The following LIMCH1 variants were observed in gnomAD, a reference collection of about 807,000 sequenced individuals.
LIMCH1 encodes LIM and calponin homology domains-containing protein 1.
LIMCH1 carries 113 observed loss-of-function variants against 176.5 expected under a neutral mutation model. The ratio of observed to expected loss-of-function variants is 0.64; its 90% CI spans 0.55 to 0.75. LIMCH1 has a LOEUF of 0.75. Among genes scored for constraint, LIMCH1 ranks in the 30% least tolerant of loss-of-function variants. The probability of loss-of-function intolerance (pLI) is 0.00; values close to 1 mark genes in which losing one functional copy is unlikely to be tolerated. For synonymous variants in LIMCH1, 619 were observed against 645.9 expected (o/e 0.96, Z 0.63); for missense variants, 1,674 against 1,814.9 (o/e 0.92, Z 1.41).
At chr4:41,616,397 C>T (rs1417994163) in intron 5 of LIMCH1, among the ~76,000 whole-genome samples, 7 of 151,956 alleles carry the variant, frequency 4.6e-5, no homozygotes, top group East Asian at 1.9e-4. Flanking sequence ...GGCATGGTGG[C>T]GGGCGCCTGT....
chr4:41,681,852 T>C (rs1474243684), intron 25 of LIMCH1, among the ~76,000 whole-genome samples: 1 of 152,082 alleles, frequency 6.6e-6, no homozygotes, highest in South Asian at 2.1e-4. Flanking sequence ...AAAATGAACT[T>C]ACGTAGAACA....
rs1461434756 is a variant in LIMCH1, at chr4:41,458,698, T to C, written c.97-35838T>C. ...CTGAGGCAGGAGAATGGCGTGAACC[T>C]GGGGGGCGGAGGTTGCAGTAAGCTG... is the stretch of plus-strand genomic sequence containing the variant. On this transcript the variant is annotated intron_variant, in intron 1 of 26. Coordinates refer to the LIMCH1 transcript ENST00000313860. Among the ~76,000 whole-genome samples, 5 of 135,802 alleles carry C rather than the reference T, an allele frequency of 3.7e-5. No homozygotes were observed. In the East Asian group the frequency reaches 1.1e-3, roughly 30 times the overall value. The allele number at this position is 135,802 out of a possible 152,430, so 89.1% of individuals were successfully genotyped here.
At chr4:41,688,246 G>T (rs1446494311) in intron 29 of LIMCH1, among the ~76,000 whole-genome samples, 1 of 152,218 alleles carries the variant, frequency 6.6e-6, no homozygotes, top group Admixed American at 6.5e-5. Flanking sequence ...CTTCAAGAGG[G>T]CTAAGCCCTT....
intron 1 of LIMCH1, among the ~76,000 whole-genome samples, chr4:41,484,954 G>A (rs1297311131): frequency 1.3e-5 from 2 of 152,260 alleles, no homozygotes; most frequent in South Asian, 2.1e-4. Context: ...AAATGGGAAC[G>A]ATCAGGCTGC....
intron 1 of LIMCH1, among the ~76,000 whole-genome samples, chr4:41,584,688 G>T (rs1310108046): frequency 6.6e-6 from 1 of 151,958 alleles, no homozygotes; most frequent in Non-Finnish European, 1.5e-5. Flanking sequence ...TTGTTTGTTT[G>T]TTTGTTTTGC....
chr4:41,479,974 A>G (rs1003509266), intron 1 of LIMCH1, among the ~76,000 whole-genome samples: 3 of 152,324 alleles, frequency 2.0e-5, no homozygotes, highest in Middle Eastern at 3.4e-3. Flanking sequence ...GCTTTTCTGA[A>G]CAAAAATTGC....
chr4:41,544,646 CT>C (rs2079123949), intron 1 of LIMCH1, among the ~76,000 whole-genome samples: 1 of 152,112 alleles, frequency 6.6e-6, no homozygotes, highest in African/African-American at 2.4e-5. Context: ...CTGGGTGGTT[CT>C]TCTATTTTGA....
At chr4:41,541,755 C>G (rs916777770) in intron 1 of LIMCH1, among the ~76,000 whole-genome samples, 6 of 152,226 alleles carry the variant, frequency 3.9e-5, no homozygotes, top group South Asian at 2.1e-4. Context: ...TACGAAATGA[C>G]TGGGGCATGT....
chr4:41,423,950 A>C (rs1391128026), intron 1 of LIMCH1, among the ~76,000 whole-genome samples: 3 of 151,924 alleles, frequency 2.0e-5, no homozygotes, highest in African/African-American at 7.3e-5. Flanking sequence ...TCAATGAGTT[A>C]CTCTTTGCCC....
chr4:41,646,661 C>T lies in LIMCH1; in HGVS notation c.2588C>T (p.Ser863Phe). 6.2e-7 allele frequency: 1 copy of T among 1,614,214 alleles called. No individual in the cohort carries two copies. ...CATTCAACAGAGCCAAATTTATCCTCCTTCCTGAATGACCCCAATCCCATG... is the reference window on the plus strand; with the variant it reads ...CATTCAACAGAGCCAAATTTATCCTTCTTCCTGAATGACCCCAATCCCATG... ...RSHSTEPNLS[S>F]FLNDPNPMKY... The change falls in exon 17 of 32, where the codon TCC (serine) becomes TTC (phenylalanine). Residue 863 changes from serine (S) to phenylalanine (F), a missense_variant. This residue lies in a region of LIMCH1 where 1,015 missense variants were observed against 1,102.5 expected (regional missense o/e 0.92). Transcript: ENST00000503057.
intron 1 of LIMCH1, among the ~76,000 whole-genome samples, chr4:41,374,348 G>A (rs1017074626): frequency 6.6e-6 from 1 of 152,110 alleles, no homozygotes; most frequent in Non-Finnish European, 1.5e-5. Context: ...GAGAGTGATT[G>A]TATAGAAAGA....
intron 1 of LIMCH1, among the ~76,000 whole-genome samples, chr4:41,373,340 T>C (rs1311289031): frequency 2.0e-5 from 3 of 151,672 alleles, no homozygotes; most frequent in Non-Finnish European, 2.9e-5. Flanking sequence ...GCTTTGGGAG[T>C]AGGTATGAGG....
rs191449230 is a variant in LIMCH1 at position 41,381,515 on chromosome 4, T to C, written c.96+20579T>C. Among the ~76,000 whole-genome samples, 1,168 of 152,292 alleles carry C rather than the reference T, an allele frequency of 7.7e-3. 14 individuals are homozygous for C. The highest frequency in any genetic ancestry group is 0.026 in the African/African-American group (1,078 of 41,560). On this transcript the variant is annotated intron_variant, in intron 1 of 26. Transcript: ENST00000313860. Reference sequence around the variant, plus strand: ...AGTTTTCCATCCTGTCCTGTGTACATACCCCTTGCCAAGTGACTGCCGTTC... The same window carrying C: ...AGTTTTCCATCCTGTCCTGTGTACACACCCCTTGCCAAGTGACTGCCGTTC...
intron 1 of LIMCH1, among the ~76,000 whole-genome samples, chr4:41,378,939 A>G (rs1471540613): frequency 6.6e-6 from 1 of 152,190 alleles, no homozygotes; most frequent in Non-Finnish European, 1.5e-5. Flanking sequence ...CAAGTTCCTG[A>G]GACATTCAGA....
chr4:41,605,684 A>G (rs927217118), intron 3 of LIMCH1, among the ~76,000 whole-genome samples: 1 of 152,074 alleles, frequency 6.6e-6, no homozygotes, highest in Admixed American at 6.5e-5. Context: ...CGTTTTAACT[A>G]CTCAACCGTG....
chr4:41,634,529 C>T (rs1402802807), intron 13 of LIMCH1, among the ~76,000 whole-genome samples: 2 of 152,174 alleles, frequency 1.3e-5, no homozygotes, highest in Non-Finnish European at 2.9e-5. Flanking sequence ...GCAAGGAGAA[C>T]AGTAGGTAAT....
intron 1 of LIMCH1, among the ~76,000 whole-genome samples, chr4:41,435,672 C>T (rs939131500): frequency 1.3e-5 from 2 of 152,108 alleles, no homozygotes; most frequent in Non-Finnish European, 2.9e-5. Flanking sequence ...ATTTGATGAG[C>T]AAGAACATTG....
Position 41,633,006 on chromosome 4 carries a change from A to T in LIMCH1, c.1750A>T (p.Lys584Ter). 2 of 1,536,120 alleles carry T rather than the reference A, an allele frequency of 1.3e-6. No homozygotes were observed. The highest frequency in any genetic ancestry group is 1.7e-6 in the Non-Finnish European group (2 of 1,146,898). Residue 584 changes from lysine to a stop codon, truncating the protein, a stop_gained, in exon 12 of 32, where the codon AAA (lysine) becomes TAA (stop). Coordinates refer to ENST00000503057, the MANE Select transcript of LIMCH1 (RefSeq NM_001330672.2). LOFTEE classifies it high-confidence loss of function. ...VTSKQLPQDG[K>*]EETESAPRDS... is the part of the protein sequence containing the mutation. ...ATCCAAACAGCTGCCACAGGATGGC[A>T]AAGAAGAAACAGAAAGCGCTCCAAG...
intron 1 of LIMCH1, among the ~76,000 whole-genome samples, chr4:41,484,820 G>T (rs1401601230): frequency 6.6e-6 from 1 of 152,082 alleles, no homozygotes; most frequent in East Asian, 1.9e-4. Flanking sequence ...TTATAATAGG[G>T]TTTGTCAACA....
Sources: allele counts gnomAD v4.1 joint callset (sites outside exome capture counted in the v4.1 genomes callset), GRCh38; gene constraint gnomAD v4.1.1; regional missense constraint gnomAD v4.1.1; transcripts MANE v1.5; gene names NCBI Gene and HGNC (gene_info 2026-07-23, HGNC 2026-07-21).